The following CDH2 variants were observed in gnomAD, a reference collection of about 807,000 sequenced individuals.
CDH2 encodes cadherin-2.
A neutral mutation model predicts 92.0 loss-of-function variants in CDH2; 17 were observed. The ratio of observed to expected loss-of-function variants is 0.18; its 90% CI spans 0.13 to 0.28. CDH2 has a LOEUF of 0.28. Among genes scored for constraint, CDH2 ranks in the 10% least tolerant of loss-of-function variants. CDH2 has a pLI of 1.00. For missense variants in CDH2, 862 were observed against 1,133.1 expected, an observed-to-expected ratio of 0.76 and a Z score of 3.44; for synonymous variants, 419 against 415.9, an observed-to-expected ratio of 1.01 and a Z score of -0.09.
intron 2 of CDH2, among the ~76,000 whole-genome samples, chr18:28,048,518 T>C (rs1283453809): frequency 6.6e-6 from 1 of 152,188 alleles, no homozygotes; most frequent in African/African-American, 2.4e-5. Flanking sequence ...CGATACGTTT[T>C]TGATATGGGT....
chr18:27,955,930 A>AAGT (rs1175012739), intron 15 of CDH2, among the ~76,000 whole-genome samples: 6 of 152,106 alleles, frequency 3.9e-5, no homozygotes, highest in Non-Finnish European at 8.8e-5. Flanking sequence ...TATGCAGGTT[A>AAGT]AGTACTTTAA....
intron 2 of CDH2, among the ~76,000 whole-genome samples, chr18:28,021,426 T>G (rs2013407227): frequency 1.3e-5 from 2 of 151,894 alleles, no homozygotes; most frequent in Admixed American, 1.3e-4. Flanking sequence ...ATCCTCTGGA[T>G]TAATTAAGTC....
intron 1 of CDH2, among the ~76,000 whole-genome samples, chr18:28,157,364 T>G (rs1237964977): frequency 6.6e-6 from 1 of 152,250 alleles, no homozygotes; most frequent in Non-Finnish European, 1.5e-5. Context: ...ACTGAGTGCT[T>G]AATATGTGCC....
At chr18:28,073,034 G>A (rs1380923855) in intron 2 of CDH2, among the ~76,000 whole-genome samples, 6 of 151,852 alleles carry the variant, frequency 4.0e-5, no homozygotes, top group Non-Finnish European at 7.4e-5. Context: ...TTACATAGAC[G>A]GTGGCACAGA....
chr18:27,977,258 A>G (rs529765450), intron 14 of CDH2, among the ~76,000 whole-genome samples: 8 of 152,324 alleles, frequency 5.3e-5, no homozygotes, highest in East Asian at 1.9e-4. Flanking sequence ...ATATGGGCCC[A>G]ACCTAGCCTC....
chr18:28,059,090 T>C (rs920145303), intron 2 of CDH2, among the ~76,000 whole-genome samples: 2 of 152,226 alleles, frequency 1.3e-5, no homozygotes, highest in Admixed American at 6.5e-5. Context: ...AGAGTCATAA[T>C]GGCAATCTCC....
intron 2 of CDH2, among the ~76,000 whole-genome samples, chr18:28,036,196 G>GCCTA (rs1555635263): frequency 2.0e-5 from 3 of 152,064 alleles, no homozygotes; most frequent in Non-Finnish European, 2.9e-5. Context: ...AACTCTCTAA[G>GCCTA]CCTACAACTC....
rs17493940 is a variant in CDH2, at chr18:28,035,978, G to T, written c.173-22069C>A. Among the ~76,000 whole-genome samples, 1,204 of 152,214 alleles carry T rather than the reference G, an allele frequency of 7.9e-3. 15 individuals carry two copies. The highest frequency in any genetic ancestry group is 0.027 in the African/African-American group (1,140 of 41,558). On this transcript the variant is annotated intron_variant, in intron 2 of 15. Transcript: ENST00000269141. ...GGAAATTAGGTTAAGAAATTTAAAA[G>T]CTGAAGTTGACATTTATATAACATA...
At chr18:27,956,569 T>C (rs2011250868) in intron 15 of CDH2, among the ~76,000 whole-genome samples, 4 of 152,206 alleles carry the variant, frequency 2.6e-5, no homozygotes, top group African/African-American at 9.7e-5. Context: ...CATTATATCT[T>C]GCCTGGACCA....
chr18:27,988,734 G>T, intron 10 of CDH2, 68 bp from the exon 11 acceptor site: 2 of 1,179,024 alleles, frequency 1.7e-6, no homozygotes, highest in Non-Finnish European at 1.2e-6. Context: ...TACAGGTTTA[G>T]TTCCAAATGC....
Position 27,942,363 on chromosome 18 carries a change from A to G in CDH2, c.1152-9239T>C, listed in dbSNP as rs557145157. Reference sequence around the variant, plus strand: ...CATGAACATGTCTTCCTAATAATAGATAACAATAGCTAACTTGTAATGGTG... The same window carrying G: ...CATGAACATGTCTTCCTAATAATAGGTAACAATAGCTAACTTGTAATGGTG... On this transcript the variant is annotated intron_variant, in intron 6 of 6. Transcript: ENST00000675173. Among the ~76,000 whole-genome samples, 6 of 152,370 alleles carry G rather than the reference A, an allele frequency of 3.9e-5. No homozygotes were observed. The South Asian group carries it at 1.2e-3, about 32-fold the overall frequency.
chr18:28,079,977 A>C (rs183662853), intron 2 of CDH2, among the ~76,000 whole-genome samples: 13 of 152,290 alleles, frequency 8.5e-5, no homozygotes, highest in Admixed American at 7.2e-4. Flanking sequence ...TTAACACATG[A>C]ATTGAAATTC....
chr18:28,127,573 A>G (rs891736182), intron 2 of CDH2, among the ~76,000 whole-genome samples: 6 of 152,216 alleles, frequency 3.9e-5, no homozygotes, highest in Admixed American at 3.9e-4. Context: ...TTCACTTTTT[A>G]ACAAGAAAAT....
intron 2 of CDH2, among the ~76,000 whole-genome samples, chr18:28,046,849 T>A (rs556596405): frequency 2.4e-4 from 36 of 152,346 alleles, no homozygotes; most frequent in African/African-American, 7.7e-4. Context: ...ATTTCACTGA[T>A]GTTCAATTGG....
intron 2 of CDH2, among the ~76,000 whole-genome samples, chr18:28,114,880 C>T (rs1038143506): frequency 6.6e-6 from 1 of 150,976 alleles, no homozygotes; most frequent in Non-Finnish European, 1.5e-5. Flanking sequence ...TGTAGGCTGC[C>T]TACAGAATGC....
At chr18:28,115,608 G>GAA (rs1371584437) in intron 2 of CDH2, among the ~76,000 whole-genome samples, 2 of 152,116 alleles carry the variant, frequency 1.3e-5, no homozygotes, top group Admixed American at 6.6e-5. Flanking sequence ...GATGGCTGCG[G>GAA]CCCTCATCCA....
chr18:27,976,080 T>C (rs1599002517), intron 14 of CDH2, among the ~76,000 whole-genome samples: 1 of 152,244 alleles, frequency 6.6e-6, no homozygotes, highest in East Asian at 1.9e-4. Context: ...AAAGACATTA[T>C]TCAGAAGGAA....
At chr18:27,970,677 T>G (rs905066169) in intron 14 of CDH2, among the ~76,000 whole-genome samples, 2 of 152,192 alleles carry the variant, frequency 1.3e-5, no homozygotes, top group Admixed American at 6.5e-5. Flanking sequence ...TATTCAACTT[T>G]TAGACAAAAA....
chr18:28,170,604 C>CA (rs1312567276), intron 1 of CDH2, among the ~76,000 whole-genome samples: 3 of 152,140 alleles, frequency 2.0e-5, no homozygotes, highest in Non-Finnish European at 4.4e-5. Flanking sequence ...CTTGGCCTCC[C>CA]AAAGTGCTGG....
Sources: allele counts gnomAD v4.1 joint callset (sites outside exome capture counted in the v4.1 genomes callset), GRCh38; gene constraint gnomAD v4.1.1; transcripts MANE v1.5; gene names NCBI Gene and HGNC (gene_info 2026-07-23, HGNC 2026-07-21).